The following PLEKHM2 variants were observed in gnomAD, a reference collection of about 807,000 sequenced individuals.
PLEKHM2 encodes pleckstrin homology domain-containing family M member 2.
Under a neutral mutation model 116.3 loss-of-function variants are expected in PLEKHM2, and 77 were observed. The observed-to-expected ratio is 0.66, with a 90% CI of 0.55 to 0.80. PLEKHM2 has a LOEUF of 0.80. Among genes scored for constraint, PLEKHM2 ranks in the 30% least tolerant of loss-of-function variants. The probability of loss-of-function intolerance (pLI) is 0.00; values close to 1 mark genes in which losing one functional copy is unlikely to be tolerated. For missense variants in PLEKHM2, 1,183 were observed against 1,354.9 expected (o/e 0.87, Z 1.99); for synonymous variants, 562 against 571.0 (o/e 0.98, Z 0.22).
chr1:15,730,055 C>T lies in PLEKHM2; in HGVS notation c.2208+126C>T, dbSNP rs6671925. The T allele has an allele frequency of 6.6e-3, 18 of 2,718 alleles. No homozygotes were observed. In the South Asian group the frequency reaches 0.08, roughly 12 times the overall value. The allele number at this position is 2,718 out of a possible 1,614,324, so 0.2% of individuals were successfully genotyped here. ...TTCACAATCGCCTACCTGGGCGGGG[C>T]GGGGCGGGGCGGGGCGGGGCGGGGC... On this transcript the variant is annotated intron_variant, in intron 14 of 19. Transcript: ENST00000375799.
chr1:15,732,902 TAAAAC>T (rs1014644700), intron 19 of PLEKHM2, among the ~76,000 whole-genome samples, 174 bp downstream of exon 19: 29 of 152,164 alleles, frequency 1.9e-4, no homozygotes, highest in Admixed American at 1.7e-3. Flanking sequence ...CTGCTGCTCT[TAAAAC>T]AAACCCAGAA....
chr1:15,715,993 C>G (rs1282491594), intron 1 of PLEKHM2, among the ~76,000 whole-genome samples: 3 of 152,198 alleles, frequency 2.0e-5, no homozygotes, highest in Admixed American at 6.5e-5. Context: ...CTCAAGTTGT[C>G]ACTGTGCGGA....
At chr1:15,726,803 C>T (rs2068068299) in intron 8 of PLEKHM2, among the ~76,000 whole-genome samples, 1 of 152,170 alleles carries the variant, frequency 6.6e-6, no homozygotes, top group Non-Finnish European at 1.5e-5. Flanking sequence ...GCTACCCCCA[C>T]CCCGCCCCTG....
rs564483268 is a variant in PLEKHM2, at chr1:15,706,090, G to A, written c.61-10147G>A. Among the ~76,000 whole-genome samples, 5 of 152,230 alleles carry A rather than the reference G, an allele frequency of 3.3e-5. No homozygotes were observed. In the South Asian group the frequency reaches 1.0e-3, roughly 32 times the overall value. ...AGCAAGACCCTGTCTCAAAAAACAA[G>A]CAAGAAGCTATAGCAGCTTTGTAAT... On this transcript the variant is annotated intron_variant, in intron 1 of 19. Transcript: ENST00000375799.
intron 6 of PLEKHM2, chr1:15,720,330 C>T (rs776238677): frequency 2.1e-4 from 203 of 984,874 alleles, no homozygotes; most frequent in Non-Finnish European, 2.4e-4. Context: ...GGTTAAGCAA[C>T]CCCTAGAAGA....
intron 1 of PLEKHM2, among the ~76,000 whole-genome samples, chr1:15,705,058 G>A (rs983584521): frequency 6.6e-6 from 1 of 151,828 alleles, no homozygotes; most frequent in African/African-American, 2.4e-5. Flanking sequence ...TCAGTACTCA[G>A]ACGCTCCTCC....
At chr1:15,715,798 G>A (rs930073425) in intron 1 of PLEKHM2, among the ~76,000 whole-genome samples, 2 of 152,224 alleles carry the variant, frequency 1.3e-5, no homozygotes, top group African/African-American at 4.8e-5. Context: ...AAAGTTTAAA[G>A]GTCTGTTGAC....
intron 1 of PLEKHM2, among the ~76,000 whole-genome samples, chr1:15,695,594 C>G (rs560909563): frequency 6.6e-6 from 1 of 152,234 alleles, no homozygotes; most frequent in East Asian, 1.9e-4. Context: ...TCAGTGCAAC[C>G]TCTGCCTCCC....
intron 14 of PLEKHM2, 146 bp downstream of exon 14, chr1:15,730,075 C>T (rs1034228883): frequency 9.2e-5 from 16 of 173,624 alleles, no homozygotes; most frequent in Admixed American, 1.6e-4. Flanking sequence ...CGGGGCGGGG[C>T]GGGGCTTTCC....
In PLEKHM2 at chr1:15,728,829, T is replaced by TCC; in HGVS notation, c.1986+99_1986+100dup. On this transcript the variant is annotated intron_variant, in intron 12 of 19. Coordinates refer to ENST00000375799, the MANE Select transcript of PLEKHM2 (RefSeq NM_015164.4). This position sits in a 1 kb window ranked among gnomAD's most constrained non-coding sequence, Gnocchi z 5.9. The stretch of plus-strand genomic sequence containing the variant: ...TGCAGGGCGAGGCACGGCCCCTTAC[T>TCC]CCCCTCCCGGGGTTGGGCACCAACT... 8.5e-7 allele frequency: 1 copy of TCC among 1,174,720 alleles called. No individual in the cohort carries two copies. The allele number at this position is 1,174,720 out of a possible 1,614,324, so 72.8% of individuals were successfully genotyped here.
chr1:15,726,941 C>A, intron 8 of PLEKHM2, 73 bp from the exon 9 acceptor site: 2 of 1,045,278 alleles, frequency 1.9e-6, no homozygotes, highest in African/African-American at 1.6e-5. Flanking sequence ...GCATTGCCAC[C>A]GTGACCCAGC....
At chr1:15,720,350 C>T in intron 6 of PLEKHM2, 3 of 985,196 alleles carry the variant, frequency 3.0e-6, no homozygotes, top group Non-Finnish European at 3.6e-6. Context: ...AAGAGAGAAC[C>T]AGGCAGGTCT....
At position 15,721,403 on chromosome 1, in the gene PLEKHM2, G is replaced by A. The variant is rs751822963; in HGVS notation, c.712+15G>A. 2.2e-5 allele frequency: 33 copies of A among 1,525,202 alleles called. No homozygotes were observed. Among genetic ancestry groups the A allele is most frequent in the African/African-American group, 4.1e-5 (3 of 73,042 alleles). 94.5% of individuals were successfully genotyped at this position (1,525,202 alleles called of 1,614,324 possible). A position where few individuals can be genotyped will look rare whatever the true frequency, so the allele number is the denominator to read the frequency against. On this transcript the variant is annotated intron_variant, in intron 7 of 19. Transcript: ENST00000375799. The surrounding 1 kb of genome is among the most constrained non-coding windows in gnomAD (Gnocchi z 5.1). ...AGACTGGGAAGGTGGGCCAGAGTCC[G>A]CTGTTACCCTCTTTTCCTGTTTTGC... is the stretch of plus-strand genomic sequence containing the variant.
At position 15,713,946 on chromosome 1, in the gene PLEKHM2, T is replaced by G. The variant is rs1266786496; in HGVS notation, c.61-2291T>G. 2.0e-5 allele frequency among the ~76,000 whole-genome samples: 3 copies of G among 147,466 alleles called. No individual in the cohort carries two copies. The Admixed American group carries it at 2.0e-4, about 10-fold the overall frequency. On this transcript the variant is annotated intron_variant, in intron 1 of 19. Coordinates refer to ENST00000375799, the MANE Select transcript of PLEKHM2 (RefSeq NM_015164.4). Reference sequence around the variant, plus strand: ...AGCCACTGCAGCCCAGCCCTGTTTTTTTTTTTTTTTTTGGAGACAGAGTCT... The same window carrying G: ...AGCCACTGCAGCCCAGCCCTGTTTTGTTTTTTTTTTTTGGAGACAGAGTCT...
intron 14 of PLEKHM2, among the ~76,000 whole-genome samples, chr1:15,730,138 A>G (rs1242692809): frequency 1.3e-5 from 2 of 152,122 alleles, no homozygotes; most frequent in African/African-American, 4.8e-5. Flanking sequence ...GGTGTGTCCT[A>G]AGGTTAAGAC....
intron 1 of PLEKHM2, among the ~76,000 whole-genome samples, chr1:15,691,710 C>T (rs1294714639): frequency 1.3e-5 from 2 of 152,188 alleles, no homozygotes; most frequent in Non-Finnish European, 2.9e-5. Context: ...TTCAGCCCAG[C>T]CTGTCTGTGC....
chr1:15,695,599 C>T (rs1285195195), intron 1 of PLEKHM2, among the ~76,000 whole-genome samples: 1 of 152,082 alleles, frequency 6.6e-6, no homozygotes, highest in Non-Finnish European at 1.5e-5. Flanking sequence ...GCAACCTCTG[C>T]CTCCCAGGTT....
intron 16 of PLEKHM2, 118 bp downstream of exon 16, chr1:15,731,375 GC>G (rs1207639391): frequency 2.5e-6 from 2 of 786,114 alleles, no homozygotes; most frequent in East Asian, 5.3e-5. Flanking sequence ...CCATCCAGCG[GC>G]CCTGACAGGT....
upstream of PLEKHM2, among the ~76,000 whole-genome samples, chr1:15,681,816 C>G (rs1640650634): frequency 6.6e-6 from 1 of 152,330 alleles, no homozygotes; most frequent in East Asian, 1.9e-4. Flanking sequence ...AGTCTCAACC[C>G]TCATCTGTTC....
Sources: gnomAD v4.1 joint callset for allele counts (sites outside exome capture counted in the v4.1 genomes callset) on GRCh38, gnomAD v4.1.1 for gene constraint, Gnocchi (gnomAD v3.1) non-coding constraint, MANE v1.5 for transcripts, NCBI Gene and HGNC (gene_info 2026-07-23, HGNC 2026-07-21) for gene names.